The following F7 variants were observed in gnomAD, a reference collection of about 807,000 sequenced individuals.
The protein encoded by F7 is coagulation factor VII.
Under a neutral mutation model 47.5 loss-of-function variants are expected in F7, and 38 were observed. The ratio of observed to expected loss-of-function variants is 0.80; its 90% CI spans 0.62 to 1.05. The LOEUF (loss-of-function observed/expected upper bound fraction) is 1.05, where lower values mean the gene tolerates loss of function less well. F7 is among the 50% of genes least tolerant of loss of function. The pLI is 0.00. For synonymous variants in F7, 244 were observed against 258.5 expected, an observed-to-expected ratio of 0.94 and a Z score of 0.54; for missense variants, 575 against 605.4, an observed-to-expected ratio of 0.95 and a Z score of 0.53.
rs1055463686 is a variant in F7 at position 113,115,150 on chromosome 13, C to G, written c.365-510C>G. Reference sequence around the variant, plus strand: ...TCCCCTTGCCCATGTCAACCAAAGTCAGGCTGCCGGTTCTGCTTCTTCTGT... The same window carrying G: ...TCCCCTTGCCCATGTCAACCAAAGTGAGGCTGCCGGTTCTGCTTCTTCTGT... On this transcript the variant is annotated intron_variant, in intron 4 of 7. Coordinates refer to ENST00000346342, the MANE Select transcript of F7 (RefSeq NM_019616.4). Among the ~76,000 whole-genome samples the G allele has an allele frequency of 4.6e-5, 7 of 152,332 alleles. No individual in the cohort carries two copies. The South Asian group carries it at 1.5e-3, about 32-fold the overall frequency.
intron 7 of F7, 139 bp downstream of exon 7, chr13:113,117,735 G>C: frequency 6.6e-7 from 1 of 1,508,168 alleles, no homozygotes; most frequent in Non-Finnish European, 8.9e-7. Flanking sequence ...CTGTCCGACC[G>C]CGGTGCTGGG....
At chr13:113,117,066 C>T (rs981000546) in intron 6 of F7, 191 bp downstream of exon 6, 18 of 696,652 alleles carry the variant, frequency 2.6e-5, no homozygotes, top group East Asian at 1.6e-4. Context: ...GAAAAGAAAA[C>T]GACACTCACT....
chr13:113,106,832 C>G, intron 1 of F7: 5 of 1,590,850 alleles, frequency 3.1e-6, no homozygotes, highest in Non-Finnish European at 4.3e-6. Flanking sequence ...CCCCGGCCAC[C>G]TTCCTGCCCC....
intron 2 of F7, among the ~76,000 whole-genome samples, chr13:113,111,257 A>G (rs1266543261): frequency 6.6e-6 from 1 of 152,012 alleles, no homozygotes; most frequent in East Asian, 1.9e-4. Flanking sequence ...CACCAGCGGC[A>G]CCTCCTCAGG....
Position 113,118,417 on chromosome 13 carries a change from G to A in F7, c.744G>A (p.Glu248=), listed in dbSNP as rs762250567. 3 of 1,593,034 alleles carry A rather than the reference G, an allele frequency of 1.9e-6. No individual in the cohort carries two copies. The highest frequency in any genetic ancestry group is 4.5e-5 in the East Asian group (2 of 44,500). The change falls in exon 8 of 8, where the codon GAG becomes GAA. Residue 248 remains glutamate, a synonymous_variant. Transcript: ENST00000346342. The part of the protein sequence containing the change: ...NWRNLIAVLG[E]HDLSEHDGDE... ...AGGGGGGCTTCTTCCTTCCAGGCGA[G>A]CACGACCTCAGCGAGCACGACGGGG...
chr13:113,120,079 T>G lies in F7; in HGVS notation c.*1071T>G, dbSNP rs1019842215. On this transcript the variant is annotated 3_prime_UTR_variant, in exon 8 of 8. Transcript: ENST00000346342. Reference sequence around the variant, plus strand: ...TTTGGAGCCCCCGGTGCTCATCCTCTGAGATGCTCTTTTCTTTCACAATTT... The same window carrying G: ...TTTGGAGCCCCCGGTGCTCATCCTCGGAGATGCTCTTTTCTTTCACAATTT... The G allele has an allele frequency of 6.6e-5, 10 of 152,226 alleles. No homozygotes were observed. The highest frequency in any genetic ancestry group is 1.9e-4 in the African/African-American group (8 of 41,462). 9.4% of individuals were successfully genotyped at this position (152,226 alleles called of 1,614,324 possible). A position where few individuals can be genotyped will look rare whatever the true frequency, so the allele number is the denominator to read the frequency against.
At chr13:113,112,919 C>G (rs2036130726) in intron 2 of F7, among the ~76,000 whole-genome samples, 1 of 150,530 alleles carries the variant, frequency 6.6e-6, no homozygotes, top group South Asian at 2.1e-4. Flanking sequence ...CAGATCACCT[C>G]ATACTCACAG....
In F7 at chr13:113,116,777, T is replaced by C. The variant is rs372577568; in HGVS notation, c.517T>C (p.Cys173Arg). The C allele has an allele frequency of 6.8e-6, 11 of 1,612,772 alleles. No homozygotes were observed. The highest frequency in any genetic ancestry group is 9.3e-6 in the Non-Finnish European group (11 of 1,179,046). The part of the protein sequence containing the change: ...VSCTPTVEYP[C>R]GKIPILEKRN... ...TTTGTTTTACACAGTTGAATATCCATGTGGAAAAATACCTATTCTAGAAAA... is the reference window on the plus strand; with the variant it reads ...TTTGTTTTACACAGTTGAATATCCACGTGGAAAAATACCTATTCTAGAAAA... Residue 173 changes from cysteine (C) to arginine (R), a missense_variant, in exon 6 of 8, where the codon TGT becomes CGT. By Grantham distance (180) the Cys-to-Arg change is radical. Transcript: ENST00000346342.
intron 7 of F7, among the ~76,000 whole-genome samples, 176 bp downstream of exon 7, chr13:113,117,772 G>A (rs532409751): frequency 5.9e-5 from 9 of 152,156 alleles, no homozygotes; most frequent in Middle Eastern, 3.4e-3. Context: ...CTGTCCGACC[G>A]CGGTGCTGGG....
At position 113,119,658 on chromosome 13, in the gene F7, GAT is replaced by G. The variant is rs1165857956; in HGVS notation, c.*653_*654del. The G allele has an allele frequency of 1.3e-5, 2 of 157,508 alleles. No homozygotes were observed. Among genetic ancestry groups the G allele is most frequent in the African/African-American group, 2.4e-5 (1 of 41,278 alleles). 9.8% of individuals were successfully genotyped at this position (157,508 alleles called of 1,614,324 possible). A position where few individuals can be genotyped will look rare whatever the true frequency, so the allele number is the denominator to read the frequency against. ...ACATCAGTGCACACGGATGCACAGA[GAT>G]ATGCACACACCGATGTGCGCACACA... On this transcript the variant is annotated 3_prime_UTR_variant, in exon 8 of 8. Coordinates refer to ENST00000346342, the MANE Select transcript of F7 (RefSeq NM_019616.4).
At chr13:113,117,114 C>A in intron 6 of F7, 1 of 627,966 alleles carries the variant, frequency 1.6e-6, no homozygotes, top group Non-Finnish European at 2.9e-6. Context: ...GCGAGATGCC[C>A]CATCCGAGTT....
chr13:113,106,812 G>T lies in F7; in HGVS notation c.64+907G>T, dbSNP rs1478159424. On this transcript the variant is annotated intron_variant, in intron 1 of 7. Transcript: ENST00000346342. ...GGGCTGCAGCCCTAGCTCACAGCAT[G>T]GCCTTATGACCCCGGCCACCTTCCT... The T allele has an allele frequency of 4.5e-6, 7 of 1,568,304 alleles. No individual in the cohort carries two copies. The East Asian group carries it at 1.4e-4, about 32-fold the overall frequency.
intron 6 of F7, among the ~76,000 whole-genome samples, chr13:113,117,195 G>A (rs11618399): frequency 4.6e-5 from 7 of 152,242 alleles, no homozygotes; most frequent in Admixed American, 1.3e-4. Context: ...AGGAGCATTG[G>A]ATCAAAGCTA....
In F7 at chr13:113,113,506, T is replaced by TTCA. The variant is rs1234433805; in HGVS notation, c.226-245_226-244insCAT. On this transcript the variant is annotated intron_variant, in intron 2 of 7. Transcript: ENST00000346342. The surrounding 1 kb of genome is among the most constrained non-coding windows in gnomAD (Gnocchi z 4.1). ...CAGCTCAGCGACAGAAGAGTCAGGGTTGAACCTCGGGTGTTCTGACTTGGG... is the reference window on the plus strand; with the variant it reads ...CAGCTCAGCGACAGAAGAGTCAGGGTTCATGAACCTCGGGTGTTCTGACTTGGG... 6.6e-6 allele frequency among the ~76,000 whole-genome samples: 1 copy of TTCA among 152,194 alleles called. No individual in the cohort carries two copies. Among genetic ancestry groups the TTCA allele is most frequent in the Non-Finnish European group, 1.5e-5 (1 of 68,024 alleles).
Position 113,119,572 on chromosome 13 carries a change from T to TGC in F7, c.*565_*566dup, listed in dbSNP as rs2036265176. 1 of 173,340 alleles carries TGC rather than the reference T, an allele frequency of 5.8e-6. No individual in the cohort carries two copies. The highest frequency in any genetic ancestry group is 2.4e-5 in the African/African-American group (1 of 41,318). The allele number at this position is 173,340 out of a possible 1,614,324, so 10.7% of individuals were successfully genotyped here. On this transcript the variant is annotated 3_prime_UTR_variant, in exon 8 of 8. Transcript: ENST00000346342. Reference sequence around the variant, plus strand: ...ACCGATGCACACGCACATAGAGATATGCACACACAGATGCACACACAGATA... The same window carrying TGC: ...ACCGATGCACACGCACATAGAGATATGCGCACACACAGATGCACACACAGATA...
At chr13:113,111,835 C>G (rs1351699393) in intron 2 of F7, among the ~76,000 whole-genome samples, 1 of 33,326 alleles carries the variant, frequency 3.0e-5, no homozygotes, top group Non-Finnish European at 5.2e-5. Context: ...CACCTCACAC[C>G]CACAGGACAC....
chr13:113,118,299 CAGA>C, intron 7 of F7, 111 bp from the exon 8 acceptor site: 1 of 1,231,460 alleles, frequency 8.1e-7, no homozygotes, highest in Non-Finnish European at 1.1e-6. Flanking sequence ...CCCCTTGCCC[CAGA>C]AGGAGACTGC....
At chr13:113,111,197 C>T (rs1334853792) in intron 2 of F7, among the ~76,000 whole-genome samples, 1 of 152,210 alleles carries the variant, frequency 6.6e-6, no homozygotes, top group Non-Finnish European at 1.5e-5. Flanking sequence ...GCATCGCAGA[C>T]GCGCGCGGCT....
At position 113,118,720 on chromosome 13, in the gene F7, G is replaced by A. The variant is rs1340034888; in HGVS notation, c.1047G>A (p.Leu349=). The A allele has an allele frequency of 1.9e-6, 3 of 1,612,982 alleles. No homozygotes were observed. The highest frequency in any genetic ancestry group is 8.5e-7 in the Non-Finnish European group (1 of 1,179,964). The part of the protein sequence containing the change: ...NVPRLMTQDC[L]QQSRKVGDSP... ...CCCGGCTGATGACCCAGGACTGCCT[G>A]CAGCAGTCACGGAAGGTGGGAGACT... The change falls in exon 8 of 8, where the codon CTG becomes CTA. Residue 349 remains leucine (L), a synonymous_variant. Transcript: ENST00000346342.
Sources: gnomAD v4.1 joint callset for allele counts (sites outside exome capture counted in the v4.1 genomes callset) on GRCh38, gnomAD v4.1.1 for gene constraint, Gnocchi (gnomAD v3.1) non-coding constraint, MANE v1.5 for transcripts, NCBI Gene and HGNC (gene_info 2026-07-23, HGNC 2026-07-21) for gene names.